The following COQ8B variants were observed in gnomAD, a reference collection of about 807,000 sequenced individuals.
COQ8B encodes the protein coenzyme Q8B, also known as atypical kinase COQ8B, mitochondrial.
A neutral mutation model predicts 62.0 loss-of-function variants in COQ8B; 44 were observed. That is an observed-to-expected ratio of 0.71 (90% CI 0.56 to 0.91). The LOEUF (loss-of-function observed/expected upper bound fraction) is 0.91. Among genes scored for constraint, COQ8B ranks in the 40% least tolerant of loss-of-function variants. COQ8B has a pLI of 0.00. For missense variants in COQ8B, 649 were observed against 731.6 expected, an observed-to-expected ratio of 0.89 and a Z score of 1.30; for synonymous variants, 252 against 289.9, an observed-to-expected ratio of 0.87 and a Z score of 1.33.
rs559286887 is a variant in COQ8B at position 40,700,700 on chromosome 19, C to T, written c.894-249G>A. 3.3e-4 allele frequency: 167 copies of T among 499,876 alleles called. 4 individuals carry two copies. The South Asian group carries it at 4.6e-3, about 14-fold the overall frequency. 31.0% of individuals were successfully genotyped at this position (499,876 alleles called of 1,614,324 possible). A position where few individuals can be genotyped will look rare whatever the true frequency, so the allele number is the denominator to read the frequency against. ...CTGGGTGCTGCTGGAAACCCAGTCA[C>T]CACTTCCCTACCCGAAACCCTTCTA... On this transcript the variant is annotated intron_variant, in intron 10 of 14. Coordinates refer to ENST00000324464, the MANE Select transcript of COQ8B (RefSeq NM_024876.4).
At chr19:40,705,043 T>G (rs1599632893) in intron 7 of COQ8B, 53 bp downstream of exon 7, 3 of 1,506,362 alleles carry the variant, frequency 2.0e-6, no homozygotes, top group Non-Finnish European at 2.7e-6. Flanking sequence ...GTCAGGCAGG[T>G]CAGAGGAGAT....
chr19:40,692,407 C>T (rs1226231921), intron 14 of COQ8B, 34 bp from the exon 15 acceptor site: 3 of 1,589,452 alleles, frequency 1.9e-6, no homozygotes, highest in Admixed American at 1.7e-5. Context: ...GCAAAGGCAG[C>T]CAGTGTGGAC....
Position 40,692,933 on chromosome 19 carries a change from C to A in COQ8B, c.1296+18G>T. 1 of 1,611,758 alleles carries A rather than the reference C, an allele frequency of 6.2e-7. No homozygotes were observed. The highest frequency in any genetic ancestry group is 8.5e-7 in the Non-Finnish European group (1 of 1,178,050). ...CACCAACAGACACCAGCCCCTTTCTCCCCCAGTGTCTCCCCACCTTGGTTT... is the reference window on the plus strand; with the variant it reads ...CACCAACAGACACCAGCCCCTTTCTACCCCAGTGTCTCCCCACCTTGGTTT... On this transcript the variant is annotated intron_variant, in intron 14 of 14. Transcript: ENST00000324464.
intron 11 of COQ8B, 53 bp downstream of exon 11, chr19:40,700,257 G>A: frequency 2.5e-6 from 4 of 1,610,862 alleles, no homozygotes; most frequent in Non-Finnish European, 3.4e-6. Context: ...CCATGAGCCT[G>A]GCCCACCCGC....
intron 13 of COQ8B, among the ~76,000 whole-genome samples, chr19:40,694,396 G>C (rs1196416659): frequency 6.6e-6 from 1 of 152,178 alleles, no homozygotes; most frequent in South Asian, 2.1e-4. Flanking sequence ...GGCTCCGCAG[G>C]GCACCTGGAT....
At chr19:40,692,787 C>G (rs1282768569) in intron 14 of COQ8B, among the ~76,000 whole-genome samples, 164 bp downstream of exon 14, 1 of 151,806 alleles carries the variant, frequency 6.6e-6, no homozygotes, top group Non-Finnish European at 1.5e-5. Flanking sequence ...TATAGACACA[C>G]AGCCTCCATT....
At chr19:40,692,713 C>G (rs1466682503) in intron 14 of COQ8B, among the ~76,000 whole-genome samples, 1 of 152,004 alleles carries the variant, frequency 6.6e-6, no homozygotes, top group East Asian at 1.9e-4. Flanking sequence ...GCCACCTCCC[C>G]CCACTCCTCC....
At chr19:40,707,537 G>A (rs1367910340) in intron 5 of COQ8B, among the ~76,000 whole-genome samples, 9 of 151,032 alleles carry the variant, frequency 6.0e-5, no homozygotes, top group Non-Finnish European at 4.4e-5. Context: ...TGCAACCTCC[G>A]CCTCCCCGGT....
chr19:40,696,501 C>G (rs1433010587), intron 12 of COQ8B, among the ~76,000 whole-genome samples: 1 of 151,992 alleles, frequency 6.6e-6, no homozygotes. Flanking sequence ...CCCGTCTCTA[C>G]TAAAAATACA....
chr19:40,713,310 T>A (rs1253894965), intron 4 of COQ8B, among the ~76,000 whole-genome samples: 1 of 152,046 alleles, frequency 6.6e-6, no homozygotes, highest in Non-Finnish European at 1.5e-5. Flanking sequence ...AGCAGAGTCA[T>A]CCCTTGAACC....
chr19:40,698,184 C>G (rs992395545), intron 12 of COQ8B, among the ~76,000 whole-genome samples: 2 of 150,010 alleles, frequency 1.3e-5, no homozygotes, highest in South Asian at 2.1e-4. Flanking sequence ...CCATTGCACT[C>G]CAGCCTGGGT....
At chr19:40,715,464 C>G in intron 1 of COQ8B, 1 of 985,574 alleles carries the variant, frequency 1.0e-6, no homozygotes, top group Middle Eastern at 5.2e-4. Context: ...AGGCTCAACA[C>G]AATTCCTTTG....
Position 40,691,903 on chromosome 19 carries a change from G to A in COQ8B, c.*132C>T. ...AGCCCCAGGGATCCTGAGCTCCTGG[G>A]CCAAGGAGGAGAGCCAGGCAAGACT... On this transcript the variant is annotated 3_prime_UTR_variant, in exon 15 of 15. Coordinates refer to ENST00000324464, the MANE Select transcript of COQ8B (RefSeq NM_024876.4). 3.5e-6 allele frequency: 3 copies of A among 862,418 alleles called. No individual in the cohort carries two copies. The highest frequency in any genetic ancestry group is 3.7e-5 in the Admixed American group (1 of 27,380). The allele number at this position is 862,418 out of a possible 1,614,324, so 53.4% of individuals were successfully genotyped here. A position where few individuals can be genotyped will look rare whatever the true frequency, so the allele number is the denominator to read the frequency against.
At chr19:40,696,245 T>C (rs190843508) in intron 12 of COQ8B, among the ~76,000 whole-genome samples, 191 bp from the exon 13 acceptor site, 3 of 152,060 alleles carry the variant, frequency 2.0e-5, no homozygotes, top group East Asian at 3.9e-4. Context: ...GGCTTTTTTT[T>C]CTTTTAGTTC....
rs59062602 is a variant in COQ8B, at chr19:40,705,227, G to A, written c.491-46C>T. 7.9e-4 allele frequency: 1,263 copies of A among 1,605,916 alleles called. 8 individuals are homozygous for A. The African/African-American group carries it at 0.016, about 20-fold the overall frequency. ...GGGGGGAAGTAAGCGAAGAGGTGAGGAGGGACCCCGTGTGAGTATCTGAAG... is the reference window on the plus strand; with the variant it reads ...GGGGGGAAGTAAGCGAAGAGGTGAGAAGGGACCCCGTGTGAGTATCTGAAG... On this transcript the variant is annotated intron_variant, in intron 6 of 14. Coordinates refer to ENST00000324464, the MANE Select transcript of COQ8B (RefSeq NM_024876.4).
chr19:40,715,659 T>C (rs956351215), intron 1 of COQ8B: 45 of 966,508 alleles, frequency 4.7e-5, no homozygotes, highest in Non-Finnish European at 4.8e-5. Flanking sequence ...ACTTGCACAC[T>C]GAGTCTCTGT....
intron 12 of COQ8B, among the ~76,000 whole-genome samples, chr19:40,696,734 C>T (rs1035896089): frequency 1.3e-5 from 2 of 152,004 alleles, no homozygotes; most frequent in African/African-American, 4.8e-5. Context: ...ACACCTCCCC[C>T]AGGTCCCCAG....
intron 12 of COQ8B, among the ~76,000 whole-genome samples, chr19:40,697,186 A>T (rs1386220105): frequency 6.6e-6 from 1 of 150,646 alleles, no homozygotes; most frequent in East Asian, 1.9e-4. Context: ...ACCATGGCTT[A>T]CTACAGCCTC....
chr19:40,692,840 C>T (rs961934265), intron 14 of COQ8B, 111 bp downstream of exon 14: 18 of 882,208 alleles, frequency 2.0e-5, no homozygotes, highest in East Asian at 2.7e-5. Flanking sequence ...CCCCAGTCCC[C>T]GGGTATCGAC....
Sources: allele counts gnomAD v4.1 joint callset (sites outside exome capture counted in the v4.1 genomes callset), GRCh38; gene constraint gnomAD v4.1.1; transcripts MANE v1.5; gene names NCBI Gene and HGNC (gene_info 2026-07-23, HGNC 2026-07-21).